Variants in PVR observed in about 807,000 individuals in gnomAD.
PVR encodes the protein PVR cell adhesion molecule.
Under a neutral mutation model 43.3 loss-of-function variants are expected in PVR, and 39 were observed. The observed-to-expected ratio is 0.90, with a 90% CI of 0.70 to 1.18. The LOEUF (loss-of-function observed/expected upper bound fraction) is 1.18, where lower values mean the gene tolerates loss of function less well. Ranked by LOEUF, PVR falls within the 50% of genes most tolerant of loss-of-function variation. The probability of loss-of-function intolerance (pLI) is 0.00; values close to 1 mark genes in which losing one functional copy is unlikely to be tolerated. For missense variants in PVR, 480 were observed against 549.7 expected, an observed-to-expected ratio of 0.87 and a Z score of 1.27; for synonymous variants, 224 against 233.2, an observed-to-expected ratio of 0.96 and a Z score of 0.36.
intron 3 of PVR, among the ~76,000 whole-genome samples, chr19:44,650,894 A>G (rs573333317): frequency 1.3e-5 from 2 of 151,928 alleles, no homozygotes; most frequent in East Asian, 3.9e-4. Context: ...TCCTTTGGAC[A>G]GGGTCTCGCT....
In PVR at chr19:44,657,796, C is replaced by A. The variant is rs1242115285; in HGVS notation, c.877C>A (p.Gln293Lys). Reference sequence around the variant, plus strand: ...TCCCCTGCCACCCTTTGCTGTGGCCCAGGGCGCCCAGCTCCTGATCCGTCC... The same window carrying A: ...TCCCCTGCCACCCTTTGCTGTGGCCAAGGGCGCCCAGCTCCTGATCCGTCC... ...MGPLPPFAVAQGAQLLIRPVD... is the reference protein window; with the variant it reads ...MGPLPPFAVAKGAQLLIRPVD... The change falls in exon 5 of 8, where the codon CAG becomes AAG. Residue 293 changes from glutamine (Q) to lysine (K), a missense_variant. Coordinates refer to ENST00000425690, the MANE Select transcript of PVR (RefSeq NM_006505.5). 1 of 1,614,120 alleles carries A rather than the reference C, an allele frequency of 6.2e-7. No homozygotes were observed. Among genetic ancestry groups the A allele is most frequent in the Non-Finnish European group, 8.5e-7 (1 of 1,179,994 alleles).
At chr19:44,650,179 A>G (rs1973241192) in intron 3 of PVR, 74 bp downstream of exon 3, 2 of 1,373,690 alleles carry the variant, frequency 1.5e-6, no homozygotes, top group African/African-American at 1.5e-5. Context: ...CTGACTCCCC[A>G]AGGCACTGTA....
rs370661186 is a variant in PVR at position 44,657,805 on chromosome 19, C to T, written c.886C>T (p.Gln296Ter). 6.2e-7 allele frequency: 1 copy of T among 1,613,978 alleles called. No individual in the cohort carries two copies. The highest frequency in any genetic ancestry group is 8.5e-7 in the Non-Finnish European group (1 of 1,179,986). The part of the protein sequence containing the change: ...LPPFAVAQGA[Q>*]LLIRPVDKPI... ...ACCCTTTGCTGTGGCCCAGGGCGCC[C>T]AGCTCCTGATCCGTCCTGTGGACAA... The change falls in exon 5 of 8, where the codon CAG becomes TAG. Residue 296 changes from glutamine (Q) to a stop codon, truncating the protein, a stop_gained. Transcript: ENST00000425690. LOFTEE classifies it high-confidence loss of function.
At chr19:44,655,648 TC>T (rs1400940209) in intron 4 of PVR, among the ~76,000 whole-genome samples, 3 of 152,176 alleles carry the variant, frequency 2.0e-5, no homozygotes, top group Non-Finnish European at 4.4e-5. Context: ...AGCACATAGA[TC>T]CACAACTCCA....
rs768323150 is a variant in PVR, at chr19:44,647,380, C to T, written c.237C>T (p.His79=). ...AATCTGGCAGCATGGCCGTCTTCCA[C>T]CAAACGCAGGGCCCCAGCTATTCGG... The part of the protein sequence containing the change: ...HGESGSMAVF[H]QTQGPSYSES... The change falls in exon 2 of 8, where the codon CAC becomes CAT. Residue 79 remains histidine, a synonymous_variant. Coordinates refer to ENST00000425690, the MANE Select transcript of PVR (RefSeq NM_006505.5). 1 of 1,614,026 alleles carries T rather than the reference C, an allele frequency of 6.2e-7. No homozygotes were observed. Among genetic ancestry groups the T allele is most frequent in the South Asian group, 1.1e-5 (1 of 91,050 alleles).
chr19:44,658,975 A>G (rs1973528448), intron 6 of PVR, 75 bp downstream of exon 6: 3 of 1,431,512 alleles, frequency 2.1e-6, no homozygotes, highest in Non-Finnish European at 2.9e-6. Flanking sequence ...TGTGCCTCTC[A>G]CTGAATCCTC....
At chr19:44,651,172 G>A (rs1178252522) in intron 3 of PVR, among the ~76,000 whole-genome samples, 1 of 152,068 alleles carries the variant, frequency 6.6e-6, no homozygotes, top group African/African-American at 2.4e-5. Flanking sequence ...CTGGCCCCTT[G>A]TCCATTTTCT....
At chr19:44,651,474 G>C (rs1973278722) in intron 3 of PVR, among the ~76,000 whole-genome samples, 1 of 152,162 alleles carries the variant, frequency 6.6e-6, no homozygotes, top group Admixed American at 6.5e-5. Context: ...ACGATCAACT[G>C]TCTCCGCCGG....
At chr19:44,655,220 G>A (rs1183703015) in intron 4 of PVR, among the ~76,000 whole-genome samples, 1 of 152,004 alleles carries the variant, frequency 6.6e-6, no homozygotes, top group Non-Finnish European at 1.5e-5. Context: ...GAGTAGCTGG[G>A]ACTACAGGCA....
chr19:44,661,343 T>G lies in PVR; in HGVS notation c.1182+20T>G. ...AATGGGGTAAGTGCAGTGTTGGAGC[T>G]AAGGAGGGTGTGGGGTCTGCACGAA... is the stretch of plus-strand genomic sequence containing the variant. On this transcript the variant is annotated intron_variant, in intron 7 of 7. Transcript: ENST00000425690. 6.2e-7 allele frequency: 1 copy of G among 1,613,120 alleles called. No homozygotes were observed. Among genetic ancestry groups the G allele is most frequent in the Non-Finnish European group, 8.5e-7 (1 of 1,179,094 alleles).
Position 44,644,067 on chromosome 19 carries a change from C to G in PVR, c.-30C>G, listed in dbSNP as rs1324132306. 1 of 1,497,826 alleles carries G rather than the reference C, an allele frequency of 6.7e-7. No homozygotes were observed. The highest frequency in any genetic ancestry group is 1.2e-5 in the South Asian group (1 of 80,754). 92.8% of individuals were successfully genotyped at this position (1,497,826 alleles called of 1,614,324 possible). ...GCGCCGGGAAGCGAGGAGACGCCCG[C>G]GGGAGGCCCAGCTGCTCGGAGCAAC... On this transcript the variant is annotated 5_prime_UTR_variant, in exon 1 of 8. Transcript: ENST00000425690.
At chr19:44,661,697 T>C (rs757272684) in intron 7 of PVR, 43 bp from the exon 8 acceptor site, 1 of 1,583,006 alleles carries the variant, frequency 6.3e-7, no homozygotes, top group South Asian at 1.1e-5. Context: ...TTTGATTTTG[T>C]TCAAAAGAGC....
Position 44,657,848 on chromosome 19 carries a change from T to TAAA in PVR, c.931_932insAAA (p.Leu310_Ile311insLys), listed in dbSNP as rs1568505168. The TAAA allele has an allele frequency of 2.5e-6, 4 of 1,613,934 alleles. No individual in the cohort carries two copies. The Admixed American group carries it at 6.7e-5, about 27-fold the overall frequency. Reference sequence around the variant, plus strand: ...GTGGACAAACCAATCAACACAACTTTAATCTGCAACGTCACCAATGCCCTA... The same window carrying TAAA: ...GTGGACAAACCAATCAACACAACTTTAAAAATCTGCAACGTCACCAATGCCCTA... On this transcript the variant is annotated inframe_insertion, in exon 5 of 8. Coordinates refer to ENST00000425690, the MANE Select transcript of PVR (RefSeq NM_006505.5).
At position 44,650,214 on chromosome 19, in the gene PVR, G is replaced by A. The variant is rs746248398; in HGVS notation, c.724+109G>A. The A allele has an allele frequency of 2.0e-4, 221 of 1,108,800 alleles. 1 individual carries two copies. Among genetic ancestry groups the A allele is most frequent in the Middle Eastern group, 3.0e-4 (1 of 3,314 alleles). The allele number at this position is 1,108,800 out of a possible 1,614,324, so 68.7% of individuals were successfully genotyped here. On this transcript the variant is annotated intron_variant, in intron 3 of 7. Coordinates refer to ENST00000425690, the MANE Select transcript of PVR (RefSeq NM_006505.5). ...AGGCATTGCTTCCATCATCTGCACC[G>A]GCTCCCCTGACTCCTGTCTACACGA...
chr19:44,647,164 C>G (rs1024092759), intron 1 of PVR, 59 bp from the exon 2 acceptor site: 2 of 1,351,014 alleles, frequency 1.5e-6, no homozygotes, highest in Non-Finnish European at 2.0e-6. Context: ...TCCTGGAGCC[C>G]CTCCCTATCT....
At chr19:44,658,456 A>G (rs1490759238) in intron 5 of PVR, among the ~76,000 whole-genome samples, 1 of 152,196 alleles carries the variant, frequency 6.6e-6, no homozygotes, top group Non-Finnish European at 1.5e-5. Context: ...TACCACTTTC[A>G]GTAACTGTAG....
intron 3 of PVR, among the ~76,000 whole-genome samples, chr19:44,650,315 G>A (rs890890398): frequency 6.6e-6 from 1 of 151,980 alleles, no homozygotes; most frequent in African/African-American, 2.4e-5. Context: ...AGTTTACTTG[G>A]GCCATAGTCA....
rs1490595993 is a variant in PVR, at chr19:44,657,877, G to A, written c.958G>A (p.Ala320Thr). The A allele has an allele frequency of 6.8e-6, 11 of 1,613,808 alleles. No homozygotes were observed. The highest frequency in any genetic ancestry group is 1.3e-5 in the African/African-American group (1 of 74,926). ...LICNVTNALGARQAELTVQVK... is the reference protein window; with the variant it reads ...LICNVTNALGTRQAELTVQVK... Reference sequence around the variant, plus strand: ...CTGCAACGTCACCAATGCCCTAGGAGCTCGCCAGGCAGAACTGACCGTCCA... The same window carrying A: ...CTGCAACGTCACCAATGCCCTAGGAACTCGCCAGGCAGAACTGACCGTCCA... The change falls in exon 5 of 8, where the codon GCT becomes ACT. Residue 320 changes from alanine to threonine, a missense_variant. Physicochemically the swap from Ala to Thr is moderately conservative, Grantham distance 58. Coordinates refer to ENST00000425690, the MANE Select transcript of PVR (RefSeq NM_006505.5).
chr19:44,657,631 G>A (rs907960866), intron 4 of PVR, 131 bp from the exon 5 acceptor site: 5 of 817,400 alleles, frequency 6.1e-6, no homozygotes, highest in Middle Eastern at 3.6e-4. Flanking sequence ...GAAGAGTTGG[G>A]GGGCCTCCAG....
Sources: gnomAD v4.1 joint callset for allele counts (sites outside exome capture counted in the v4.1 genomes callset) on GRCh38, gnomAD v4.1.1 for gene constraint, MANE v1.5 for transcripts, NCBI Gene and HGNC (gene_info 2026-07-23, HGNC 2026-07-21) for gene names.